BAIAP2L2: variants seen among roughly 807,000 people sequenced by gnomAD.
The protein encoded by BAIAP2L2 is BAR/IMD domain containing adaptor protein 2 like 2.
BAIAP2L2 carries 65 observed loss-of-function variants against 60.4 expected under a neutral mutation model. The observed-to-expected ratio is 1.08, with a 90% CI of 0.88 to 1.32. The LOEUF is 1.32. Ranked by LOEUF, BAIAP2L2 falls within the 40% of genes most tolerant of loss-of-function variation. BAIAP2L2 has a pLI of 0.00. For missense variants in BAIAP2L2, 836 were observed against 741.2 expected (o/e 1.13, Z -1.48); for synonymous variants, 344 against 301.7 (o/e 1.14, Z -1.45).
At position 38,109,236 on chromosome 22, in the gene BAIAP2L2, A is replaced by G; in HGVS notation, c.52-28T>C. On this transcript the variant is annotated intron_variant, in intron 1 of 13. Transcript: ENST00000381669. Reference sequence around the variant, plus strand: ...GGACCCCAGGGTCAGGGGAGGAAAAAGGTGTAGAGATGGGGGAGCGAGAAG... The same window carrying G: ...GGACCCCAGGGTCAGGGGAGGAAAAGGGTGTAGAGATGGGGGAGCGAGAAG... 2.5e-6 allele frequency: 4 copies of G among 1,569,626 alleles called. No individual in the cohort carries two copies. In the Admixed American group the frequency reaches 5.0e-5, roughly 20 times the overall value.
chr22:38,088,726 C>T, intron 10 of BAIAP2L2, 22 bp downstream of exon 10: 4 of 1,379,048 alleles, frequency 2.9e-6, no homozygotes, highest in South Asian at 1.2e-5. Context: ...CCACCCCCGG[C>T]CCCTCCAAGG....
intron 7 of BAIAP2L2, among the ~76,000 whole-genome samples, chr22:38,096,695 C>T (rs1233712545): frequency 2.0e-5 from 3 of 152,018 alleles, no homozygotes; most frequent in Non-Finnish European, 2.9e-5. Flanking sequence ...AATTAATAGA[C>T]GATAACTGAG....
rs904067929 is a variant in BAIAP2L2, at chr22:38,089,683, G to A, written c.613-9C>T. On this transcript the variant is annotated splice_polypyrimidine_tract_variant and intron_variant, in intron 7 of 13. Transcript: ENST00000381669. ...TGGAGCATCCCCCGGGCCTGGCCGG[G>A]CGGGGACACGGGGGTCAGCCAGGTC... The A allele has an allele frequency of 8.9e-6, 11 of 1,229,756 alleles. No homozygotes were observed. The highest frequency in any genetic ancestry group is 3.1e-5 in the African/African-American group (2 of 64,232). The allele number at this position is 1,229,756 out of a possible 1,614,324, so 76.2% of individuals were successfully genotyped here.
At chr22:38,098,578 G>A (rs1165062175) in intron 4 of BAIAP2L2, 96 bp from the exon 5 acceptor site, 6 of 961,116 alleles carry the variant, frequency 6.2e-6, no homozygotes, top group African/African-American at 1.6e-5. Flanking sequence ...ACTGCCCATC[G>A]TGCTCCTAAT....
chr22:38,087,271 G>A lies in BAIAP2L2; in HGVS notation c.1119-7C>T. 1 of 1,598,516 alleles carries A rather than the reference G, an allele frequency of 6.3e-7. No homozygotes were observed. On this transcript the variant is annotated splice_polypyrimidine_tract_variant and splice_region_variant and intron_variant, in intron 10 of 13. Coordinates refer to ENST00000381669, the MANE Select transcript of BAIAP2L2 (RefSeq NM_025045.6). ...CTCGGGGAACCAACCGCTCCTGTGG[G>A]GTAGAGGCAGAGGACAATGACCAAA...
At chr22:38,093,298 A>G (rs1217715612) in intron 7 of BAIAP2L2, among the ~76,000 whole-genome samples, 1 of 152,230 alleles carries the variant, frequency 6.6e-6, no homozygotes, top group African/African-American at 2.4e-5. Context: ...GATGCGGGCA[A>G]TGCACTTCTT....
intron 4 of BAIAP2L2, among the ~76,000 whole-genome samples, chr22:38,101,127 T>C (rs1303094383): frequency 6.6e-6 from 1 of 151,702 alleles, no homozygotes; most frequent in Non-Finnish European, 1.5e-5. Context: ...AAACTTTACC[T>C]CAGTAGAAAA....
chr22:38,087,241 T>C lies in BAIAP2L2; in HGVS notation c.1142A>G (p.Tyr381Cys). The C allele has an allele frequency of 6.2e-7, 1 of 1,606,702 alleles. No individual in the cohort carries two copies. The highest frequency in any genetic ancestry group is 8.5e-7 in the Non-Finnish European group (1 of 1,176,858). ...GGGCCCCTCCTCCAGAGCCTTCACGTACGCCTCGGGGAACCAACCGCTCCT... is the reference window on the plus strand; with the variant it reads ...GGGCCCCTCCTCCAGAGCCTTCACGCACGCCTCGGGGAACCAACCGCTCCT... ...SSASGWFPEA[Y>C]VKALEEGPVN... Residue 381 changes from tyrosine to cysteine, a missense_variant, in exon 11 of 14, where the codon TAC becomes TGC. Tyr to Cys is a radical substitution (Grantham distance 194, BLOSUM62 -2). Transcript: ENST00000381669.
chr22:38,097,456 A>C (rs2086463113), intron 6 of BAIAP2L2, among the ~76,000 whole-genome samples: 1 of 152,242 alleles, frequency 6.6e-6, no homozygotes, highest in East Asian at 1.9e-4. Flanking sequence ...CACAAGCCCA[A>C]GCACGGGCTG....
chr22:38,108,301 C>T lies in BAIAP2L2; in HGVS notation c.168G>A (p.Gln56=). ...TCTGCAGGGCACGCTCCCCAATCTT[C>T]TGGATGGCACTGAAGTAGACCTCGG... ...EAAEVYFSAI[Q]KIGERALQSP... Residue 56 remains glutamine (Q), a synonymous_variant, in exon 3 of 14, where the codon CAG becomes CAA. Transcript: ENST00000381669. The T allele has an allele frequency of 6.2e-7, 1 of 1,612,778 alleles. No individual in the cohort carries two copies. The highest frequency in any genetic ancestry group is 8.5e-7 in the Non-Finnish European group (1 of 1,179,934).
Position 38,097,070 on chromosome 22 carries a change from G to A in BAIAP2L2, c.574C>T (p.Leu192=), listed in dbSNP as rs752281492. ...TGCAGGAAGGTGTTGGAAAGTAGCA[G>A]GTGCTTCTCTGCTAGGAAGCGATAG... The part of the protein sequence containing the change: ...RRYRFLAEKH[L]LLSNTFLQFF... The change falls in exon 7 of 14, where the codon CTG becomes TTG. Residue 192 remains leucine (L), a synonymous_variant. Coordinates refer to ENST00000381669, the MANE Select transcript of BAIAP2L2 (RefSeq NM_025045.6). 3 of 1,614,042 alleles carry A rather than the reference G, an allele frequency of 1.9e-6. No individual in the cohort carries two copies. Among genetic ancestry groups the A allele is most frequent in the East Asian group, 2.2e-5 (1 of 44,876 alleles).
At position 38,100,371 on chromosome 22, in the gene BAIAP2L2, A is replaced by G. The variant is rs528971208; in HGVS notation, c.277-1889T>C. Among the ~76,000 whole-genome samples the G allele has an allele frequency of 5.4e-3, 826 of 151,952 alleles. 4 individuals carry two copies. Among genetic ancestry groups the G allele is most frequent in the African/African-American group, 0.019 (785 of 41,414 alleles). On this transcript the variant is annotated intron_variant, in intron 4 of 13. Coordinates refer to ENST00000381669, the MANE Select transcript of BAIAP2L2 (RefSeq NM_025045.6). ...TGAAACCCCGTCTCTACTAAAAATA[A>G]AAAAATCAGCTGGGCCTGGTGGCGG...
Position 38,089,625 on chromosome 22 carries a change from TCA to T in BAIAP2L2, c.660_661del (p.Glu221GlyfsTer211). 3 of 1,232,854 alleles carry T rather than the reference TCA, an allele frequency of 2.4e-6. No individual in the cohort carries two copies. Among genetic ancestry groups the T allele is most frequent in the East Asian group, 6.3e-5 (2 of 31,656 alleles). The allele number at this position is 1,232,854 out of a possible 1,614,324, so 76.4% of individuals were successfully genotyped here. On this transcript the variant is annotated frameshift_variant, in exon 8 of 14. Transcript: ENST00000381669. LOFTEE classifies it high-confidence loss of function. Reference sequence around the variant, plus strand: ...GGCGCGCGACGGGCTGCGGCTGGCCTCAGACTGCTCCTTCCACAGCAGCACGC... The same window carrying T: ...GGCGCGCGACGGGCTGCGGCTGGCCTGACTGCTCCTTCCACAGCAGCACGC...
chr22:38,108,719 T>G (rs575946873), intron 2 of BAIAP2L2, among the ~76,000 whole-genome samples: 3 of 151,444 alleles, frequency 2.0e-5, no homozygotes, highest in East Asian at 3.9e-4. Context: ...TGGTGGCCAG[T>G]TGAAGTGAGG....
intron 7 of BAIAP2L2, chr22:38,093,870 T>G (rs1049590275): frequency 4.4e-6 from 2 of 456,268 alleles, no homozygotes; most frequent in Admixed American, 2.3e-5. Flanking sequence ...TGAAAACATA[T>G]GTCCACATGA....
chr22:38,086,641 G>C (rs970708448), intron 11 of BAIAP2L2, among the ~76,000 whole-genome samples, 192 bp from the exon 12 acceptor site: 12 of 131,768 alleles, frequency 9.1e-5, no homozygotes, highest in African/African-American at 3.8e-4. Flanking sequence ...CTTCAGGGCA[G>C]AGAGAGGGGC....
chr22:38,092,532 C>T (rs370826533), intron 7 of BAIAP2L2, among the ~76,000 whole-genome samples: 2 of 152,278 alleles, frequency 1.3e-5, no homozygotes, highest in East Asian at 3.9e-4. Context: ...CCACCTCGAC[C>T]TCCCAAAGTG....
intron 1 of BAIAP2L2, among the ~76,000 whole-genome samples, chr22:38,110,120 GGAGA>G (rs1202491630): frequency 1.4e-3 from 27 of 18,874 alleles, no homozygotes; most frequent in Admixed American, 4.2e-3. Flanking sequence ...AGAGAGAGAG[GGAGA>G]GAGAGAGAGA....
chr22:38,089,779 G>A, intron 7 of BAIAP2L2, 105 bp from the exon 8 acceptor site: 1 of 1,091,522 alleles, frequency 9.2e-7, no homozygotes, highest in Middle Eastern at 3.4e-4. Flanking sequence ...CTACCAGCTC[G>A]GGACGACCGG....
Sources: allele counts gnomAD v4.1 joint callset (sites outside exome capture counted in the v4.1 genomes callset), GRCh38; gene constraint gnomAD v4.1.1; transcripts MANE v1.5; gene names NCBI Gene and HGNC (gene_info 2026-07-23, HGNC 2026-07-21).